PKHD1: variants seen among roughly 807,000 people sequenced by gnomAD.
PKHD1 encodes the protein PKHD1 ciliary IPT domain containing fibrocystin/polyductin.
Under a neutral mutation model 412.0 loss-of-function variants are expected in PKHD1, and 291 were observed. That is an observed-to-expected ratio of 0.71 (90% CI 0.64 to 0.78). The LOEUF is 0.78. Ranked by LOEUF, PKHD1 falls within the 30% of genes least tolerant of loss-of-function variation. The pLI, the probability that PKHD1 is intolerant of heterozygous loss-of-function variation, is 0.00. For missense variants in PKHD1, 4,825 were observed against 4,950.7 expected, an observed-to-expected ratio of 0.97 and a Z score of 0.76; for synonymous variants, 1,777 against 1,821.5, an observed-to-expected ratio of 0.98 and a Z score of 0.62.
At chr6:51,644,744 A>G (rs903179812) in intron 63 of PKHD1, among the ~76,000 whole-genome samples, 2 of 152,134 alleles carry the variant, frequency 1.3e-5, no homozygotes, top group Admixed American at 1.3e-4. Flanking sequence ...GCAGTGGGCG[A>G]TCTTGGCTCA....
rs1290670072 is a variant in PKHD1, at chr6:52,045,091, G to A, written c.2593-3C>T. The A allele has an allele frequency of 3.1e-6, 5 of 1,613,140 alleles. No individual in the cohort carries two copies. Among genetic ancestry groups the A allele is most frequent in the Non-Finnish European group, 8.5e-7 (1 of 1,179,182 alleles). On this transcript the variant is annotated splice_polypyrimidine_tract_variant and splice_region_variant and intron_variant, in intron 24 of 66. Transcript: ENST00000371117. ...CCAGTAAGGTTTTCATCAGAGACCT[G>A]AGATGGTTACATTTCTGGTAAATTC...
In PKHD1 at chr6:51,754,942, T is replaced by C; in HGVS notation, c.8643-4A>G. 13 of 1,611,816 alleles carry C rather than the reference T, an allele frequency of 8.1e-6. No homozygotes were observed. The highest frequency in any genetic ancestry group is 1.3e-5 in the African/African-American group (1 of 74,956). On this transcript the variant is annotated splice_region_variant and splice_polypyrimidine_tract_variant and intron_variant, in intron 55 of 66. Transcript: ENST00000371117. ...CACTGCATCTTCTACTATAATTCTG[T>C]AACAGCATAACAATGGCATTGGATA... is the stretch of plus-strand genomic sequence containing the variant.
At chr6:51,719,699 T>C (rs1781682080) in intron 60 of PKHD1, among the ~76,000 whole-genome samples, 1 of 152,206 alleles carries the variant, frequency 6.6e-6, no homozygotes, top group Non-Finnish European at 1.5e-5. Context: ...AATTTTCCAA[T>C]CTATAATTTG....
intron 35 of PKHD1, among the ~76,000 whole-genome samples, chr6:51,989,932 GAAAGAAGGAAGGAAGA>G (rs1796761105): frequency 2.0e-5 from 2 of 99,516 alleles, no homozygotes; most frequent in African/African-American, 7.6e-5. Context: ...AGGAAGGAAG[GAAAGAAGGAAGGAAGA>G]AAGGAAGGAA....
At chr6:51,636,910 A>C (rs1423754989) in intron 64 of PKHD1, among the ~76,000 whole-genome samples, 1 of 152,186 alleles carries the variant, frequency 6.6e-6, no homozygotes, top group Non-Finnish European at 1.5e-5. Context: ...CTCACCTAAC[A>C]GACTTGATCT....
intron 66 of PKHD1, among the ~76,000 whole-genome samples, chr6:51,626,339 A>T (rs1767239164): frequency 6.6e-6 from 1 of 152,186 alleles, no homozygotes. Context: ...TATCATACCC[A>T]TACTTGGCAA....
chr6:51,718,616 A>G (rs1473014577), intron 60 of PKHD1, among the ~76,000 whole-genome samples: 1 of 152,216 alleles, frequency 6.6e-6, no homozygotes, highest in Non-Finnish European at 1.5e-5. Context: ...ATACCACTAT[A>G]CTATGTCACA....
chr6:51,967,465 G>A (rs1792986661), intron 35 of PKHD1, among the ~76,000 whole-genome samples: 1 of 152,128 alleles, frequency 6.6e-6, no homozygotes, highest in Admixed American at 6.6e-5. Flanking sequence ...TTCTGTAATT[G>A]AAAATAGGTA....
chr6:51,934,906 A>C (rs906250604), intron 36 of PKHD1, among the ~76,000 whole-genome samples: 1 of 152,194 alleles, frequency 6.6e-6, no homozygotes, highest in African/African-American at 2.4e-5. Context: ...CCAGAGTCAC[A>C]TACTCGGGCT....
intron 35 of PKHD1, among the ~76,000 whole-genome samples, chr6:51,980,072 C>G (rs991474307): frequency 2.6e-5 from 4 of 152,112 alleles, no homozygotes; most frequent in African/African-American, 9.7e-5. Context: ...TCACTAGCAC[C>G]TCTCCTGGTA....
At position 52,050,262 on chromosome 6, in the gene PKHD1, C is replaced by T. The variant is rs1410841686; in HGVS notation, c.2174G>A (p.Gly725Glu). 1.9e-6 allele frequency: 3 copies of T among 1,614,054 alleles called. No homozygotes were observed. The highest frequency in any genetic ancestry group is 1.3e-5 in the African/African-American group (1 of 75,054). Reference protein sequence around the residue: ...SQADSGTARPGGNLVESVSVV... With the variant: ...SQADSGTARPEGNLVESVSVV... Reference sequence around the variant, plus strand: ...AGAGACTGATTCCACCAGATTGCCCCCTGGGCGAGCCGTTCCAGAATCAGC... The same window carrying T: ...AGAGACTGATTCCACCAGATTGCCCTCTGGGCGAGCCGTTCCAGAATCAGC... The change falls in exon 22 of 67, where the codon GGG becomes GAG. Residue 725 changes from glycine to glutamate, a missense_variant. Transcript: ENST00000371117.
At chr6:51,950,464 T>C (rs1790197639) in intron 36 of PKHD1, among the ~76,000 whole-genome samples, 1 of 152,002 alleles carries the variant, frequency 6.6e-6, no homozygotes, top group Non-Finnish European at 1.5e-5. Flanking sequence ...TGGCTTCTGG[T>C]CCTCACAATT....
intron 43 of PKHD1, among the ~76,000 whole-genome samples, chr6:51,892,515 G>A (rs961563881): frequency 7.9e-5 from 12 of 152,144 alleles, no homozygotes; most frequent in Admixed American, 1.3e-4. Flanking sequence ...GGATAGGCTC[G>A]ACAACAAGGA....
At chr6:51,824,316 T>C (rs1172680052) in intron 52 of PKHD1, among the ~76,000 whole-genome samples, 1 of 152,172 alleles carries the variant, frequency 6.6e-6, no homozygotes, top group African/African-American at 2.4e-5. Flanking sequence ...CTTTAAATTG[T>C]AAGTTTCTAT....
intron 59 of PKHD1, among the ~76,000 whole-genome samples, chr6:51,745,188 A>C (rs1258890926): frequency 1.3e-5 from 2 of 152,204 alleles, no homozygotes; most frequent in African/African-American, 2.4e-5. Flanking sequence ...GAGTATTATC[A>C]GCACAAAGAT....
At chr6:51,678,695 AC>A (rs1021144111) in intron 60 of PKHD1, among the ~76,000 whole-genome samples, 1 of 152,100 alleles carries the variant, frequency 6.6e-6, no homozygotes, top group Admixed American at 6.6e-5. Flanking sequence ...AAAAAACCCA[AC>A]CTGAAAATCT....
intron 50 of PKHD1, among the ~76,000 whole-genome samples, chr6:51,837,583 A>G (rs1052472894): frequency 2.0e-5 from 3 of 151,968 alleles, no homozygotes; most frequent in African/African-American, 7.2e-5. Flanking sequence ...GTGCACTCCT[A>G]TAATCCCAGC....
At chr6:51,789,992 T>C (rs1364325067) in intron 53 of PKHD1, among the ~76,000 whole-genome samples, 1 of 152,198 alleles carries the variant, frequency 6.6e-6, no homozygotes, top group Non-Finnish European at 1.5e-5. Flanking sequence ...TTTTGATTTT[T>C]TTGTCACTGG....
At chr6:51,937,802 C>G (rs1015460412) in intron 36 of PKHD1, among the ~76,000 whole-genome samples, 4 of 152,150 alleles carry the variant, frequency 2.6e-5, no homozygotes, top group African/African-American at 9.7e-5. Flanking sequence ...GATCCCTGGT[C>G]TGGAGTCTGA....
Sources: allele counts gnomAD v4.1 joint callset (sites outside exome capture counted in the v4.1 genomes callset), GRCh38; gene constraint gnomAD v4.1.1; transcripts MANE v1.5; gene names NCBI Gene and HGNC (gene_info 2026-07-23, HGNC 2026-07-21).